ZNF679: variants seen among roughly 807,000 people sequenced by gnomAD.
The protein encoded by ZNF679 is zinc finger protein 679.
Under a neutral mutation model 13.4 loss-of-function variants are expected in ZNF679, and 10 were observed. The observed-to-expected ratio is 0.75, with a 90% confidence interval of 0.46 to 1.27. The LOEUF is 1.27. Ranked by LOEUF, ZNF679 falls within the 50% of genes most tolerant of loss-of-function variation. The pLI is 0.00. For missense variants in ZNF679, 525 were observed against 477.8 expected, an observed-to-expected ratio of 1.10 and a Z score of -0.92; for synonymous variants, 179 against 162.5, an observed-to-expected ratio of 1.10 and a Z score of -0.77.
At position 64,266,185 on chromosome 7, in the gene ZNF679, C is replaced by A; in HGVS notation, c.552C>A (p.Phe184Leu). 6.3e-7 allele frequency: 1 copy of A among 1,591,986 alleles called. No homozygotes were observed. The highest frequency in any genetic ancestry group is 8.6e-7 in the Non-Finnish European group (1 of 1,167,502). ...HKTRHTGKKH[F>L]KCKKYGKSFC... ...CAAGACATACTGGAAAGAAACATTT[C>A]AAATGTAAAAAATATGGCAAATCAT... is the stretch of plus-strand genomic sequence containing the variant. The change falls in exon 5 of 5, where the codon TTC (phenylalanine) becomes TTA (leucine). Residue 184 changes from phenylalanine to leucine, a missense_variant. Phe to Leu is a conservative substitution (Grantham distance 22). Coordinates refer to ENST00000421025, the MANE Select transcript of ZNF679 (RefSeq NM_153363.3).
intron 1 of ZNF679, among the ~76,000 whole-genome samples, chr7:64,244,018 G>A (rs938524690): frequency 6.6e-6 from 1 of 152,162 alleles, no homozygotes; most frequent in African/African-American, 2.4e-5. Flanking sequence ...TTGGCAGTCT[G>A]AGGCGGGCAG....
intron 1 of ZNF679, among the ~76,000 whole-genome samples, chr7:64,233,151 G>A (rs1206367730): frequency 6.6e-6 from 1 of 151,336 alleles, no homozygotes; most frequent in Non-Finnish European, 1.5e-5. Flanking sequence ...TGAGGCAGGA[G>A]AATCACTTGA....
At chr7:64,252,075 A>G (rs1787950907) in intron 2 of ZNF679, among the ~76,000 whole-genome samples, 1 of 152,214 alleles carries the variant, frequency 6.6e-6, no homozygotes, top group South Asian at 2.1e-4. Flanking sequence ...CCCCAATAAG[A>G]TGGTGCAAGA....
At chr7:64,255,411 G>A (rs1787992944) in intron 2 of ZNF679, among the ~76,000 whole-genome samples, 1 of 151,968 alleles carries the variant, frequency 6.6e-6, no homozygotes, top group Admixed American at 6.6e-5. Context: ...CACGTTTCCT[G>A]GCATATCCCC....
At chr7:64,255,695 G>A (rs966417641) in intron 2 of ZNF679, among the ~76,000 whole-genome samples, 2 of 151,410 alleles carry the variant, frequency 1.3e-5, no homozygotes, top group South Asian at 2.1e-4. Context: ...TGCAACCTCC[G>A]CCTCCCGGGT....
In ZNF679 at chr7:64,266,691, A is replaced by C. The variant is rs1279483106; in HGVS notation, c.1058A>C (p.Lys353Thr). ...ATTCATACTGGAGAGAAACCCTACA[A>C]ATGTAAAGAATGTGGGAAAGCCTTT... ...KIIHTGEKPY[K>T]CKECGKAFAF... Residue 353 changes from lysine to threonine, a missense_variant, in exon 5 of 5, where the codon AAA (lysine) becomes ACA (threonine). Coordinates refer to ENST00000421025, the MANE Select transcript of ZNF679 (RefSeq NM_153363.3). 1.2e-6 allele frequency: 2 copies of C among 1,613,370 alleles called. No individual in the cohort carries two copies. The highest frequency in any genetic ancestry group is 2.2e-5 in the South Asian group (2 of 91,014).
In ZNF679 at chr7:64,266,881, C is replaced by T. The variant is rs1788163162; in HGVS notation, c.*12C>T. The T allele has an allele frequency of 2.6e-6, 4 of 1,543,832 alleles. No individual in the cohort carries two copies. Among genetic ancestry groups the T allele is most frequent in the Non-Finnish European group, 3.5e-6 (4 of 1,146,076 alleles). On this transcript the variant is annotated 3_prime_UTR_variant, in exon 5 of 5. Transcript: ENST00000421025. The stretch of plus-strand genomic sequence containing the variant: ...ACAAATGTGAATAATGTGATAAAGT[C>T]CAGCCTTCAGACCTTATAATACATA...
chr7:64,248,938 T>G, intron 1 of ZNF679, 90 bp from the exon 2 acceptor site: 1 of 876,594 alleles, frequency 1.1e-6, no homozygotes, highest in Non-Finnish European at 1.7e-6. Flanking sequence ...TCAGGGGCCA[T>G]ATATTAGAAA....
At chr7:64,243,837 C>A (rs1383753464) in intron 1 of ZNF679, among the ~76,000 whole-genome samples, 1 of 152,200 alleles carries the variant, frequency 6.6e-6, no homozygotes, top group Non-Finnish European at 1.5e-5. Flanking sequence ...CTTACATGCC[C>A]AACTTCAGGA....
intron 2 of ZNF679, among the ~76,000 whole-genome samples, chr7:64,249,418 C>T (rs1787913997): frequency 6.6e-6 from 1 of 152,120 alleles, no homozygotes; most frequent in African/African-American, 2.4e-5. Flanking sequence ...GCACTCCCAG[C>T]GCCTCATCTC....
intron 2 of ZNF679, among the ~76,000 whole-genome samples, chr7:64,258,576 C>A (rs565047452): frequency 6.6e-6 from 1 of 151,862 alleles, no homozygotes; most frequent in African/African-American, 2.4e-5. Flanking sequence ...TGGCACACAC[C>A]TGTAATCTGA....
intron 1 of ZNF679, among the ~76,000 whole-genome samples, chr7:64,241,596 T>C (rs1445217032): frequency 1.3e-5 from 2 of 152,172 alleles, no homozygotes; most frequent in Non-Finnish European, 2.9e-5. Context: ...AAGAATCACA[T>C]CACCTAGGTG....
At chr7:64,259,453 A>T (rs1331947537) in intron 2 of ZNF679, among the ~76,000 whole-genome samples, 2 of 152,188 alleles carry the variant, frequency 1.3e-5, no homozygotes, top group African/African-American at 4.8e-5. Context: ...GCAGAACAGG[A>T]TTTAGAAAAT....
intron 2 of ZNF679, among the ~76,000 whole-genome samples, chr7:64,255,012 A>AAAG (rs1554372335): frequency 4.0e-5 from 6 of 150,536 alleles, no homozygotes; most frequent in South Asian, 2.1e-4. Flanking sequence ...AAAAAAAAAA[A>AAAG]AAAAAGAAAA....
intron 1 of ZNF679, among the ~76,000 whole-genome samples, chr7:64,231,438 G>A (rs1460277939): frequency 2.0e-5 from 3 of 152,224 alleles, no homozygotes; most frequent in Admixed American, 6.5e-5. Context: ...TCTGTAGGCC[G>A]AGCCCAGGCA....
At chr7:64,235,308 AAAC>A (rs76858611) in intron 1 of ZNF679, among the ~76,000 whole-genome samples, 43,905 of 150,026 alleles carry the variant, frequency 0.29, 6,580 homozygotes, top group Middle Eastern at 0.32. Flanking sequence ...AAGAAAATAG[AAAC>A]AACATACAAT....
intron 2 of ZNF679, among the ~76,000 whole-genome samples, chr7:64,258,050 G>A (rs955331225): frequency 3.9e-5 from 6 of 152,146 alleles, no homozygotes; most frequent in Admixed American, 3.9e-4. Flanking sequence ...ATTTCAGTTT[G>A]GTAGGAAGAG....
chr7:64,234,712 C>T (rs28605249), intron 1 of ZNF679, among the ~76,000 whole-genome samples: 41,756 of 152,044 alleles, frequency 0.27, 5,962 homozygotes, highest in Middle Eastern at 0.32. Context: ...TACGAGCTAG[C>T]AAATGGGTGT....
At chr7:64,262,250 T>C (rs190841956) in intron 4 of ZNF679, among the ~76,000 whole-genome samples, 3 of 152,352 alleles carry the variant, frequency 2.0e-5, no homozygotes, top group East Asian at 3.9e-4. Flanking sequence ...TCACATGTGA[T>C]TTTCAAATAT....
Sources: allele counts gnomAD v4.1 joint callset (sites outside exome capture counted in the v4.1 genomes callset), GRCh38; gene constraint gnomAD v4.1.1; transcripts MANE v1.5; gene names NCBI Gene and HGNC (gene_info 2026-07-23, HGNC 2026-07-21).